PRR16: variants seen among roughly 807,000 people sequenced by gnomAD.
PRR16 encodes the protein protein Largen.
In PRR16, 6 loss-of-function variants were observed where a neutral mutation model predicts 18.2. That is an observed-to-expected ratio of 0.33 (90% CI 0.18 to 0.65). The LOEUF is 0.65. Ranked by LOEUF, PRR16 falls within the 30% of genes least tolerant of loss-of-function variation. The probability of loss-of-function intolerance (pLI) is 0.74; values close to 1 mark genes in which losing one functional copy is unlikely to be tolerated. For synonymous variants in PRR16, 151 were observed against 147.8 expected, an observed-to-expected ratio of 1.02 and a Z score of -0.16; for missense variants, 412 against 376.6, an observed-to-expected ratio of 1.09 and a Z score of -0.78.
chr5:120,786,437 T>C, the PRR16 span, among the ~76,000 whole-genome samples: 2 of 151,370 alleles, frequency 1.3e-5, no homozygotes, highest in Admixed American at 1.3e-4. Context: ...TTTTTTAACA[T>C]GATTTTGGTC....
intron 1 of PRR16, among the ~76,000 whole-genome samples, chr5:120,490,501 A>G (rs1749990748): frequency 6.6e-6 from 1 of 152,058 alleles, no homozygotes; most frequent in East Asian, 1.9e-4. Flanking sequence ...TTTCAGCTCC[A>G]TCAGGTCCTT....
intron 1 of PRR16, among the ~76,000 whole-genome samples, chr5:120,618,950 G>A (rs1754599984): frequency 6.7e-6 from 1 of 149,174 alleles, no homozygotes; most frequent in Non-Finnish European, 1.5e-5. Flanking sequence ...TGTTTGACAT[G>A]ACTTTTATGC....
chr5:120,618,522 G>A, intron 1 of PRR16: 1 of 959,562 alleles, frequency 1.0e-6, no homozygotes, highest in Non-Finnish European at 1.2e-6. Context: ...ATGGTATTTG[G>A]AATTTAGCTA....
chr5:120,479,145 G>A (rs1382496315), intron 1 of PRR16, among the ~76,000 whole-genome samples: 1 of 152,142 alleles, frequency 6.6e-6, no homozygotes, highest in African/African-American at 2.4e-5. Flanking sequence ...CGTTAAGGTA[G>A]AAATGGGGCT....
intron 1 of PRR16, among the ~76,000 whole-genome samples, chr5:120,474,753 G>A (rs1007110791): frequency 6.6e-6 from 1 of 151,890 alleles, no homozygotes; most frequent in Non-Finnish European, 1.5e-5. Context: ...AAGTTAAATT[G>A]GTATTTTTTA....
At chr5:120,672,620 T>A (rs1756649889) in intron 1 of PRR16, among the ~76,000 whole-genome samples, 1 of 151,674 alleles carries the variant, frequency 6.6e-6, no homozygotes, top group African/African-American at 2.4e-5. Flanking sequence ...AAAGAATGGA[T>A]TGAATGGAAG....
At chr5:120,785,668 G>A in the PRR16 span, among the ~76,000 whole-genome samples, 1 of 147,390 alleles carries the variant, frequency 6.8e-6, no homozygotes, top group Non-Finnish European at 1.5e-5. Context: ...CTCCTTCCAG[G>A]TTCAAGCAAT....
downstream of PRR16, among the ~76,000 whole-genome samples, chr5:120,689,840 AAAATTGCCC>A (rs1757189191): frequency 6.6e-6 from 1 of 152,114 alleles, no homozygotes; most frequent in East Asian, 1.9e-4. Flanking sequence ...AAAGAAAATA[AAAATTGCCC>A]AAAGTTATCT....
intron 1 of PRR16, among the ~76,000 whole-genome samples, chr5:120,651,372 T>C (rs371817514): frequency 3.9e-5 from 6 of 152,170 alleles, no homozygotes; most frequent in Middle Eastern, 3.4e-3. Context: ...GTTGCCATTG[T>C]TTTTGGTGTT....
At chr5:120,551,954 G>A (rs1039651973) in intron 1 of PRR16, among the ~76,000 whole-genome samples, 1 of 151,872 alleles carries the variant, frequency 6.6e-6, no homozygotes, top group Non-Finnish European at 1.5e-5. Flanking sequence ...GCATCTCATG[G>A]ACTTACTTTC....
chr5:120,692,466 G>A, the PRR16 span, among the ~76,000 whole-genome samples: 1 of 152,184 alleles, frequency 6.6e-6, no homozygotes, highest in South Asian at 2.1e-4. Context: ...TCTTACTGGC[G>A]CTTTTACATC....
intron 1 of PRR16, among the ~76,000 whole-genome samples, chr5:120,603,329 A>T (rs902892937): frequency 2.0e-5 from 3 of 151,770 alleles, no homozygotes; most frequent in Admixed American, 6.6e-5. Flanking sequence ...TTTCTTCTAG[A>T]TTTTCTAGCT....
chr5:120,538,416 A>G (rs369026985), intron 1 of PRR16, among the ~76,000 whole-genome samples: 6 of 152,314 alleles, frequency 3.9e-5, no homozygotes, highest in African/African-American at 1.4e-4. Context: ...GTCTGTAGGA[A>G]CAACAGTCAT....
chr5:120,733,656 T>C, the PRR16 span, among the ~76,000 whole-genome samples: 18 of 152,144 alleles, frequency 1.2e-4, no homozygotes, highest in African/African-American at 3.6e-4. Context: ...ATTGTTGTTA[T>C]GCAACTGGGA....
At chr5:120,697,193 C>G in the PRR16 span, among the ~76,000 whole-genome samples, 1 of 152,226 alleles carries the variant, frequency 6.6e-6, no homozygotes, top group East Asian at 1.9e-4. Context: ...AGAGACAGGT[C>G]CCTTGTATAA....
At chr5:120,536,862 A>G (rs1214928420) in intron 1 of PRR16, among the ~76,000 whole-genome samples, 5 of 152,270 alleles carry the variant, frequency 3.3e-5, no homozygotes, top group African/African-American at 1.2e-4. Context: ...CTATGCAACC[A>G]TAAAAAAGAA....
At chr5:120,594,323 G>C (rs955566128) in intron 1 of PRR16, among the ~76,000 whole-genome samples, 3 of 152,018 alleles carry the variant, frequency 2.0e-5, no homozygotes, top group Non-Finnish European at 4.4e-5. Flanking sequence ...CATCCAAGCT[G>C]AGAGCCAAAT....
At chr5:120,537,866 T>C (rs1236699641) in intron 1 of PRR16, among the ~76,000 whole-genome samples, 1 of 140,234 alleles carries the variant, frequency 7.1e-6, no homozygotes, top group Non-Finnish European at 1.5e-5. Context: ...AAGCTCCGCC[T>C]CCCGGGTTCA....
chr5:120,701,028 C>T, the PRR16 span, among the ~76,000 whole-genome samples: 3 of 152,188 alleles, frequency 2.0e-5, no homozygotes, highest in Non-Finnish European at 2.9e-5. Context: ...TTCCTTGGCC[C>T]AGTGGCCAGA....
Sources: gnomAD v4.1 joint callset for allele counts (sites outside exome capture counted in the v4.1 genomes callset) on GRCh38, gnomAD v4.1.1 for gene constraint, MANE v1.5 for transcripts, NCBI Gene and HGNC (gene_info 2026-07-23, HGNC 2026-07-21) for gene names.